The following SSC5D variants were observed in gnomAD, a reference collection of about 807,000 sequenced individuals.
The protein encoded by SSC5D is scavenger receptor cysteine rich family member with 5 domains, also known as soluble scavenger receptor cysteine-rich domain-containing protein SSC5D.
SSC5D carries 106 observed loss-of-function variants against 104.6 expected under a neutral mutation model. That is an observed-to-expected ratio of 1.01 (90% confidence interval 0.87 to 1.19). The LOEUF (loss-of-function observed/expected upper bound fraction) is 1.19. Ranked by LOEUF, SSC5D falls within the 50% of genes most tolerant of loss-of-function variation. SSC5D has a pLI of 0.00. For synonymous variants in SSC5D, 860 were observed against 883.5 expected, an observed-to-expected ratio of 0.97 and a Z score of 0.47; for missense variants, 1,993 against 2,153.8, an observed-to-expected ratio of 0.93 and a Z score of 1.48.
Position 55,518,167 on chromosome 19 carries a change from A to AACCCCTCACCCCACCACC in SSC5D, c.3907_3908insCCACCCCTCACCCCACCA (p.Thr1297_Thr1302dup). The AACCCCTCACCCCACCACC allele has an allele frequency of 1.0e-6, 1 of 993,942 alleles. No homozygotes were observed. The highest frequency in any genetic ancestry group is 5.8e-5 in the East Asian group (1 of 17,302). The allele number at this position is 993,942 out of a possible 1,614,324, so 61.6% of individuals were successfully genotyped here. A position where few individuals can be genotyped will look rare whatever the true frequency, so the allele number is the denominator to read the frequency against. On this transcript the variant is annotated inframe_insertion, in exon 14 of 14. Coordinates refer to ENST00000389623, the MANE Select transcript of SSC5D (RefSeq NM_001144950.2). Reference sequence around the variant, plus strand: ...CCACCACAACCCCTCACCCCACCACAACCCCTCACCCCACCATGACTCCTG... The same window carrying AACCCCTCACCCCACCACC: ...CCACCACAACCCCTCACCCCACCACAACCCCTCACCCCACCACCACCCCTCACCCCACCATGACTCCTG...
At chr19:55,507,362 AG>A (rs1308682129) in intron 12 of SSC5D, among the ~76,000 whole-genome samples, 2 of 144,784 alleles carry the variant, frequency 1.4e-5, no homozygotes, top group Non-Finnish European at 3.0e-5. Context: ...AAAAAAAAAA[AG>A]GATGGTTAAG....
chr19:55,516,185 T>G (rs1461452412), intron 13 of SSC5D, among the ~76,000 whole-genome samples: 1 of 142,094 alleles, frequency 7.0e-6, no homozygotes. Context: ...AAAAAACCCA[T>G]GATGAACTCG....
chr19:55,504,272 C>G (rs972438308), intron 12 of SSC5D: 3 of 1,501,296 alleles, frequency 2.0e-6, no homozygotes, highest in African/African-American at 1.4e-5. Flanking sequence ...GGACCCCTCC[C>G]GTAGGGTAGG....
Position 55,518,854 on chromosome 19 carries a change from G to A in SSC5D, c.4578G>A (p.Thr1526=), listed in dbSNP as rs1172187628. ...QERQALLLGL[T]QLVEAARGLG... Reference sequence around the variant, plus strand: ...GCCAAGCCCTGCTGCTGGGGCTGACGCAGCTGGTAGAAGCTGCCCGGGGTC... The same window carrying A: ...GCCAAGCCCTGCTGCTGGGGCTGACACAGCTGGTAGAAGCTGCCCGGGGTC... Residue 1526 remains threonine (T), a synonymous_variant, in exon 14 of 14, where the codon ACG becomes ACA. Transcript: ENST00000389623. 1.7e-5 allele frequency: 26 copies of A among 1,550,166 alleles called. No homozygotes were observed. The highest frequency in any genetic ancestry group is 2.4e-5 in the East Asian group (1 of 40,918).
chr19:55,489,608 G>A lies in SSC5D; in HGVS notation c.307G>A (p.Gly103Ser). ...GCAGCTGGGCCTCTGCCACCACCGG[G>A]GCTGGAAGGCCCACATCTGCTCCCA... ...EGQLGLCHHR[G>S]WKAHICSHEE... is the part of the protein sequence containing the mutation. The change falls in exon 3 of 14, where the codon GGC becomes AGC. Residue 103 changes from glycine (G) to serine (S), a missense_variant. Gly to Ser is a moderately conservative substitution (Grantham distance 56). Transcript: ENST00000389623. 3 of 1,531,168 alleles carry A rather than the reference G, an allele frequency of 2.0e-6. No homozygotes were observed. Among genetic ancestry groups the A allele is most frequent in the South Asian group, 1.2e-5 (1 of 83,630 alleles). The allele number at this position is 1,531,168 out of a possible 1,614,324, so 94.8% of individuals were successfully genotyped here.
chr19:55,511,748 A>G (rs1208514730), intron 12 of SSC5D, among the ~76,000 whole-genome samples: 1 of 152,048 alleles, frequency 6.6e-6, no homozygotes, highest in Non-Finnish European at 1.5e-5. Flanking sequence ...GGGGCTGGTT[A>G]TGAAGGAAGA....
chr19:55,501,517 C>T (rs946483254), intron 12 of SSC5D, among the ~76,000 whole-genome samples: 1 of 152,216 alleles, frequency 6.6e-6, no homozygotes, highest in African/African-American at 2.4e-5. Flanking sequence ...ATTCTGTCAT[C>T]ACATCATCGT....
chr19:55,514,367 T>C (rs1254423254), intron 13 of SSC5D, among the ~76,000 whole-genome samples: 1 of 150,234 alleles, frequency 6.7e-6, no homozygotes. Context: ...ATTGCGCCAC[T>C]GCACTCCAGC....
At chr19:55,516,980 C>T (rs140357990) in intron 13 of SSC5D, among the ~76,000 whole-genome samples, 261 of 152,162 alleles carry the variant, frequency 1.7e-3, no homozygotes, top group African/African-American at 5.7e-3. Context: ...GCGTGCCCCT[C>T]GGCATCCCCG....
rs200326882 is a variant in SSC5D, at chr19:55,489,872, C to A, written c.362-10C>A. On this transcript the variant is annotated splice_polypyrimidine_tract_variant and intron_variant, in intron 3 of 13. Coordinates refer to ENST00000389623, the MANE Select transcript of SSC5D (RefSeq NM_001144950.2). ...TCCTCATAGCTTCTGTCCCTGCCCC[C>A]CCGCCGCAGGTCAGCGTGTGGCTAA... The A allele has an allele frequency of 6.5e-6, 10 of 1,547,642 alleles. No individual in the cohort carries two copies. In the South Asian group the frequency reaches 9.5e-5, roughly 15 times the overall value.
In SSC5D at chr19:55,490,402, C is replaced by T. The variant is rs1278070208; in HGVS notation, c.580C>T (p.Arg194Cys). 32 of 1,381,852 alleles carry T rather than the reference C, an allele frequency of 2.3e-5. No individual in the cohort carries two copies. Among genetic ancestry groups the T allele is most frequent in the South Asian group, 3.9e-5 (3 of 77,646 alleles). 85.6% of individuals were successfully genotyped at this position (1,381,852 alleles called of 1,614,324 possible). ...CCCTCTGCTGACGACAGGAGCCCCC[C>T]GCCAAGGTAAGCTCCCTGCAGGCTC... ...RAPLLTTGAP[R>C]QERLRLVSGP... The change falls in exon 5 of 14, where the codon CGC (arginine) becomes TGC (cysteine). Residue 194 changes from arginine to cysteine, a missense_variant. Physicochemically the swap from Arg to Cys is radical, Grantham distance 180. Transcript: ENST00000389623.
At position 55,490,921 on chromosome 19, in the gene SSC5D, G is replaced by A; in HGVS notation, c.736G>A (p.Ala246Thr). 7 of 1,544,074 alleles carry A rather than the reference G, an allele frequency of 4.5e-6. No homozygotes were observed. The highest frequency in any genetic ancestry group is 6.1e-6 in the Non-Finnish European group (7 of 1,143,434). The change falls in exon 6 of 14, where the codon GCT (alanine) becomes ACT (threonine). Residue 246 changes from alanine (A) to threonine (T), a missense_variant. By Grantham distance (58) the Ala-to-Thr change is moderately conservative. Coordinates refer to ENST00000389623, the MANE Select transcript of SSC5D (RefSeq NM_001144950.2). ...CRELGCGGAL[A>T]APGGARFGPG... ...GGAACTGGGCTGTGGGGGGGCGCTGGCTGCCCCCGGCGGTGCCAGATTCGG... is the reference window on the plus strand; with the variant it reads ...GGAACTGGGCTGTGGGGGGGCGCTGACTGCCCCCGGCGGTGCCAGATTCGG...
intron 2 of SSC5D, 32 bp downstream of exon 2, chr19:55,489,064 C>G (rs1222750823): frequency 6.3e-5 from 11 of 174,808 alleles, no homozygotes; most frequent in African/African-American, 1.9e-4. Flanking sequence ...ATCTGCCCGC[C>G]CCCCCCCCCA....
In SSC5D at chr19:55,493,922, T is replaced by C. The variant is rs4801309; in HGVS notation, c.1213+10T>C. ...GGGGCCGTGTGTGACGGTGAGGGGGTTGTGGTGGAGGACCGGGAGGTGGGC... is the reference window on the plus strand; with the variant it reads ...GGGGCCGTGTGTGACGGTGAGGGGGCTGTGGTGGAGGACCGGGAGGTGGGC... On this transcript the variant is annotated intron_variant, in intron 7 of 13. Coordinates refer to ENST00000389623, the MANE Select transcript of SSC5D (RefSeq NM_001144950.2). The C allele has an allele frequency of 0.072, 89,411 of 1,249,378 alleles. 7,435 individuals carry two copies. Among genetic ancestry groups the C allele is most frequent in the African/African-American group, 0.43 (27,212 of 63,064 alleles). 77.4% of individuals were successfully genotyped at this position (1,249,378 alleles called of 1,614,324 possible).
intron 12 of SSC5D, among the ~76,000 whole-genome samples, chr19:55,507,396 G>A (rs1262316012): frequency 1.3e-5 from 2 of 149,118 alleles, no homozygotes; most frequent in Admixed American, 6.7e-5. Flanking sequence ...GGCCGGGCGC[G>A]GTGCCTCACT....
chr19:55,506,629 C>G (rs562894157), intron 12 of SSC5D, among the ~76,000 whole-genome samples: 3 of 151,828 alleles, frequency 2.0e-5, no homozygotes, highest in Admixed American at 1.3e-4. Flanking sequence ...CTCCTGACCT[C>G]GTGATCTGCC....
At chr19:55,507,766 G>A (rs934626892) in intron 12 of SSC5D, among the ~76,000 whole-genome samples, 1 of 151,950 alleles carries the variant, frequency 6.6e-6, no homozygotes, top group Non-Finnish European at 1.5e-5. Flanking sequence ...TGCATGCTCT[G>A]CTGGTTCAAG....
intron 6 of SSC5D, 39 bp from the exon 7 acceptor site, chr19:55,493,556 C>G: frequency 7.1e-7 from 1 of 1,401,690 alleles, no homozygotes; most frequent in Non-Finnish European, 9.2e-7. Flanking sequence ...CTCATCCACC[C>G]TCGTTTCCTG....
At position 55,488,990 on chromosome 19, in the gene SSC5D, C is replaced by T. The variant is rs1412904672; in HGVS notation, c.26-16C>T. 1 of 1,527,614 alleles carries T rather than the reference C, an allele frequency of 6.5e-7. No individual in the cohort carries two copies. The highest frequency in any genetic ancestry group is 8.8e-7 in the Non-Finnish European group (1 of 1,137,964). The allele number at this position is 1,527,614 out of a possible 1,614,324, so 94.6% of individuals were successfully genotyped here. On this transcript the variant is annotated splice_polypyrimidine_tract_variant and intron_variant, in intron 1 of 13. Transcript: ENST00000389623. ...CCTGCCCCTCACACTGCCCCACCCT[C>T]CGCCCTCCCTTCCAGCGGCCCTGGT...
Sources: gnomAD v4.1 joint callset for allele counts (sites outside exome capture counted in the v4.1 genomes callset) on GRCh38, gnomAD v4.1.1 for gene constraint, MANE v1.5 for transcripts, NCBI Gene and HGNC (gene_info 2026-07-23, HGNC 2026-07-21) for gene names.